Variants in SYNDIG1 observed in about 807,000 individuals in gnomAD.
SYNDIG1 encodes synapse differentiation-inducing gene protein 1.
In SYNDIG1, 9 loss-of-function variants were observed where a neutral mutation model predicts 19.4. The ratio of observed to expected loss-of-function variants is 0.46; its 90% CI spans 0.28 to 0.81. The LOEUF (loss-of-function observed/expected upper bound fraction) is 0.81, where lower values mean the gene tolerates loss of function less well. SYNDIG1 is among the 30% of genes least tolerant of loss of function. The pLI, the probability that SYNDIG1 is intolerant of heterozygous loss-of-function variation, is 0.12. For synonymous variants in SYNDIG1, 141 were observed against 145.9 expected (o/e 0.97, Z 0.24); for missense variants, 311 against 343.3 (o/e 0.91, Z 0.74).
At chr20:24,619,026 GA>G (rs952155957) in intron 3 of SYNDIG1, among the ~76,000 whole-genome samples, 1 of 152,148 alleles carries the variant, frequency 6.6e-6, no homozygotes, top group African/African-American at 2.4e-5. Context: ...GCTCTTATAT[GA>G]GAAGACTGAG....
At chr20:24,561,972 T>G (rs2057955495) in intron 2 of SYNDIG1, among the ~76,000 whole-genome samples, 1 of 152,260 alleles carries the variant, frequency 6.6e-6, no homozygotes, top group Admixed American at 6.5e-5. Context: ...CATTTAGATA[T>G]TCCAGATTCT....
At chr20:24,649,971 T>C (rs1238517116) in intron 3 of SYNDIG1, among the ~76,000 whole-genome samples, 1 of 152,220 alleles carries the variant, frequency 6.6e-6, no homozygotes, top group Non-Finnish European at 1.5e-5. Flanking sequence ...CATACACTCA[T>C]CTTTAATACA....
intron 3 of SYNDIG1, among the ~76,000 whole-genome samples, chr20:24,616,265 G>A (rs188134140): frequency 2.3e-3 from 349 of 152,252 alleles, no homozygotes; most frequent in African/African-American, 6.4e-3. Context: ...ACTATTCCGA[G>A]ACAGGGGCTG....
intron 3 of SYNDIG1, among the ~76,000 whole-genome samples, chr20:24,588,458 G>A (rs752881351): frequency 2.0e-5 from 3 of 152,220 alleles, no homozygotes; most frequent in Non-Finnish European, 4.4e-5. Flanking sequence ...TTGCTTCCAG[G>A]ATGTGGTCCT....
intron 1 of SYNDIG1, chr20:24,495,509 G>C (rs1003093853): frequency 6.6e-6 from 1 of 152,322 alleles, no homozygotes; most frequent in East Asian, 1.9e-4. Context: ...CCTGTGGTCT[G>C]GGGCCAGGAG....
At chr20:24,659,323 A>G (rs1474863558) in intron 3 of SYNDIG1, among the ~76,000 whole-genome samples, 2 of 152,198 alleles carry the variant, frequency 1.3e-5, no homozygotes, top group African/African-American at 4.8e-5. Context: ...CATCGTGGAA[A>G]TGTTTCTGGA....
chr20:24,592,929 T>A (rs1050629481), intron 3 of SYNDIG1, among the ~76,000 whole-genome samples: 1 of 152,120 alleles, frequency 6.6e-6, no homozygotes, highest in African/African-American at 2.4e-5. Context: ...TTTTTTAATA[T>A]GGAAAGAACA....
intron 1 of SYNDIG1, among the ~76,000 whole-genome samples, chr20:24,517,312 TA>T (rs1402671155): frequency 4.2e-5 from 6 of 144,362 alleles, no homozygotes; most frequent in South Asian, 2.1e-4. Flanking sequence ...AAAAAAAAAA[TA>T]AATAAATAAA....
chr20:24,483,827 G>T (rs1054738753), intron 1 of SYNDIG1, among the ~76,000 whole-genome samples: 1 of 152,160 alleles, frequency 6.6e-6, no homozygotes, highest in African/African-American at 2.4e-5. Flanking sequence ...TGCCTAGTGT[G>T]CAGGGCCTCA....
At chr20:24,541,633 A>G (rs1484175265) in intron 1 of SYNDIG1, among the ~76,000 whole-genome samples, 1 of 152,212 alleles carries the variant, frequency 6.6e-6, no homozygotes, top group Non-Finnish European at 1.5e-5. Flanking sequence ...TCAGTGGTTG[A>G]TGCAGCCCAG....
chr20:24,640,469 GGAAA>G (rs1347027701), intron 3 of SYNDIG1, among the ~76,000 whole-genome samples: 4 of 111,794 alleles, frequency 3.6e-5, no homozygotes, highest in Non-Finnish European at 5.5e-5. Context: ...AGGGAGGGAG[GGAAA>G]GAAGGAAGGA....
chr20:24,528,395 T>C (rs2057171913), intron 1 of SYNDIG1, among the ~76,000 whole-genome samples: 1 of 152,224 alleles, frequency 6.6e-6, no homozygotes, highest in Non-Finnish European at 1.5e-5. Flanking sequence ...TTGCTTCTGC[T>C]GTTACAACAA....
intron 2 of SYNDIG1, among the ~76,000 whole-genome samples, chr20:24,552,433 A>G (rs1392501603): frequency 6.6e-6 from 1 of 152,104 alleles, no homozygotes; most frequent in Non-Finnish European, 1.5e-5. Context: ...CATTAGGTAT[A>G]TCACCTAATG....
intron 1 of SYNDIG1, among the ~76,000 whole-genome samples, chr20:24,530,490 C>G (rs2057233289): frequency 2.0e-5 from 3 of 152,214 alleles, no homozygotes; most frequent in African/African-American, 7.2e-5. Flanking sequence ...ACAGGCTTTT[C>G]TGTGTGTGCT....
At chr20:24,484,740 T>C (rs1228513998) in intron 1 of SYNDIG1, among the ~76,000 whole-genome samples, 1 of 152,232 alleles carries the variant, frequency 6.6e-6, no homozygotes, top group Non-Finnish European at 1.5e-5. Context: ...TAATGAAAAG[T>C]AGAGCCTTTT....
At chr20:24,556,814 A>G (rs2057830275) in intron 2 of SYNDIG1, among the ~76,000 whole-genome samples, 1 of 152,070 alleles carries the variant, frequency 6.6e-6, no homozygotes, top group African/African-American at 2.4e-5. Context: ...GAGTATCTTC[A>G]TGGCATTCTC....
chr20:24,531,686 A>G (rs1013188082), intron 1 of SYNDIG1, among the ~76,000 whole-genome samples: 1 of 152,086 alleles, frequency 6.6e-6, no homozygotes, highest in Admixed American at 6.6e-5. Flanking sequence ...GGATAGGACC[A>G]TGTATAACTC....
intron 3 of SYNDIG1, among the ~76,000 whole-genome samples, chr20:24,604,356 A>G (rs971485839): frequency 1.3e-5 from 2 of 152,276 alleles, no homozygotes; most frequent in Middle Eastern, 3.4e-3. Flanking sequence ...GGAGGTTGGC[A>G]CCAGATACAG....
chr20:24,489,192 A>C (rs1243342833), intron 1 of SYNDIG1, among the ~76,000 whole-genome samples: 1 of 152,120 alleles, frequency 6.6e-6, no homozygotes, highest in African/African-American at 2.4e-5. Flanking sequence ...GCACACATAC[A>C]CTCACATGGA....
Sources: gnomAD v4.1 joint callset for allele counts (sites outside exome capture counted in the v4.1 genomes callset) on GRCh38, gnomAD v4.1.1 for gene constraint, MANE v1.5 for transcripts, NCBI Gene and HGNC (gene_info 2026-07-23, HGNC 2026-07-21) for gene names.